PRSS33: variants seen among roughly 807,000 people sequenced by gnomAD.
The protein encoded by PRSS33 is protease, serine 33.
A neutral mutation model predicts 26.7 loss-of-function variants in PRSS33; 32 were observed. That is an observed-to-expected ratio of 1.20 (90% CI 0.90 to 1.61). The LOEUF (loss-of-function observed/expected upper bound fraction) is 1.61, where lower values mean the gene tolerates loss of function less well. Among genes scored for constraint, PRSS33 ranks in the 40% most tolerant of loss-of-function variants. The pLI is 0.00. For missense variants in PRSS33, 450 were observed against 396.3 expected, an observed-to-expected ratio of 1.14 and a Z score of -1.15; for synonymous variants, 192 against 177.6, an observed-to-expected ratio of 1.08 and a Z score of -0.64.
In PRSS33 at chr16:2,785,395, C is replaced by T. The variant is rs2068860940; in HGVS notation, c.494G>A (p.Trp165Ter). The T allele has an allele frequency of 2.1e-6, 3 of 1,432,564 alleles. No individual in the cohort carries two copies. In the South Asian group the frequency reaches 4.5e-5, roughly 21 times the overall value. The allele number at this position is 1,432,564 out of a possible 1,614,324, so 88.7% of individuals were successfully genotyped here. A position where few individuals can be genotyped will look rare whatever the true frequency, so the allele number is the denominator to read the frequency against. The change falls in exon 5 of 7, where the codon TGG (tryptophan) becomes TAG (stop). Residue 165 changes from tryptophan (W) to a stop codon, truncating the protein, a stop_gained. Coordinates refer to ENST00000682474, the MANE Select transcript of PRSS33 (RefSeq NM_152891.3). LOFTEE classifies it high-confidence loss of function. ...CTTACCTCCTGGGCGGAGGCTGCCC[C>T]AGCCGGTGACCCGGCATGGTGTGCC... is the stretch of plus-strand genomic sequence containing the variant. ...PPGTPCRVTG[W>*]GSLRPGVPLP...
At position 2,784,745 on chromosome 16, in the gene PRSS33, C is replaced by G. The variant is rs544071573; in HGVS notation, c.742G>C (p.Val248Leu). The G allele has an allele frequency of 6.8e-6, 11 of 1,608,334 alleles. No individual in the cohort carries two copies. The highest frequency in any genetic ancestry group is 8.5e-6 in the Non-Finnish European group (10 of 1,177,692). ...GCACAACCCTTGCCCCAGCTCACCACGCCCACCAGGACCCAGCTCCCAGAC... is the reference window on the plus strand; with the variant it reads ...GCACAACCCTTGCCCCAGCTCACCAGGCCCACCAGGACCCAGCTCCCAGAC... ...LQSGSWVLVGVVSWGKGCALP... is the reference protein window; with the variant it reads ...LQSGSWVLVGLVSWGKGCALP... The change falls in exon 7 of 7, where the codon GTG (valine) becomes CTG (leucine). Residue 248 changes from valine (V) to leucine (L), a missense_variant. Val to Leu is a conservative substitution (Grantham distance 32). Coordinates refer to ENST00000682474, the MANE Select transcript of PRSS33 (RefSeq NM_152891.3).
chr16:2,785,879 G>C lies in PRSS33; in HGVS notation c.162C>G (p.Ile54Met). 6.2e-7 allele frequency: 1 copy of C among 1,610,346 alleles called. No homozygotes were observed. Among genetic ancestry groups the C allele is most frequent in the Non-Finnish European group, 8.5e-7 (1 of 1,179,190 alleles). The change falls in exon 4 of 7, where the codon ATC becomes ATG. Residue 54 changes from isoleucine (I) to methionine (M), a missense_variant. Transcript: ENST00000682474. Reference sequence around the variant, plus strand: ...CGCACACGTGTGCCCCACGATGCTGGATGCTCGCCTGCCACGGCCACTCTC... The same window carrying C: ...CGCACACGTGTGCCCCACGATGCTGCATGCTCGCCTGCCACGGCCACTCTC... ...RDGEWPWQAS[I>M]QHRGAHVCGG...
chr16:2,785,740 G>C lies in PRSS33; in HGVS notation c.242+59C>G, dbSNP rs556291033. 20 of 1,507,064 alleles carry C rather than the reference G, an allele frequency of 1.3e-5. No individual in the cohort carries two copies. The East Asian group carries it at 4.5e-4, about 34-fold the overall frequency. The allele number at this position is 1,507,064 out of a possible 1,614,324, so 93.4% of individuals were successfully genotyped here. A position where few individuals can be genotyped will look rare whatever the true frequency, so the allele number is the denominator to read the frequency against. ...CAACGCCTCTGCCAGGCCACGCCCG[G>C]TCCTCTGCGGGCCTTGCCTTCCTTG... On this transcript the variant is annotated intron_variant, in intron 4 of 6. Transcript: ENST00000682474.
chr16:2,785,069 G>T lies in PRSS33; in HGVS notation c.617C>A (p.Ala206Asp). The T allele has an allele frequency of 6.3e-7, 1 of 1,575,536 alleles. No individual in the cohort carries two copies. The highest frequency in any genetic ancestry group is 1.2e-5 in the South Asian group (1 of 86,426). ...ACTCCCAGGCAGCACAATGCGCTCA[G>T]CCTGGGGCACGTCCGCGCCCACGTG... is the stretch of plus-strand genomic sequence containing the variant. ...LYHVGADVPQ[A>D]ERIVLPGSLC... The change falls in exon 6 of 7, where the codon GCT (alanine) becomes GAT (aspartate). Residue 206 changes from alanine (A) to aspartate (D), a missense_variant. Ala to Asp is a moderately radical substitution (Grantham distance 126). Coordinates refer to ENST00000682474, the MANE Select transcript of PRSS33 (RefSeq NM_152891.3).
Position 2,786,017 on chromosome 16 carries a change from A to G in PRSS33, c.80-56T>C, listed in dbSNP as rs1298639564. 5 of 1,612,546 alleles carry G rather than the reference A, an allele frequency of 3.1e-6. No individual in the cohort carries two copies. The Admixed American group carries it at 6.7e-5, about 21-fold the overall frequency. The stretch of plus-strand genomic sequence containing the variant: ...GCTGAGGACCTGGGGCCTGGGAGGC[A>G]GGTGTTGGTGGGGAGACACGGGGCC... On this transcript the variant is annotated intron_variant, in intron 3 of 6. Coordinates refer to ENST00000682474, the MANE Select transcript of PRSS33 (RefSeq NM_152891.3).
At position 2,784,352 on chromosome 16, in the gene PRSS33, C is replaced by A; in HGVS notation, c.*292G>T. On this transcript the variant is annotated 3_prime_UTR_variant, in exon 7 of 7. Coordinates refer to ENST00000682474, the MANE Select transcript of PRSS33 (RefSeq NM_152891.3). ...TTGCCCATCACTGCGTGCCTTGCGC[C>A]CAGCCCTGGCCAGGGCCAAGAAAAG... 1 of 303,190 alleles carries A rather than the reference C, an allele frequency of 3.3e-6. No individual in the cohort carries two copies. The highest frequency in any genetic ancestry group is 6.8e-5 in the South Asian group (1 of 14,804). The allele number at this position is 303,190 out of a possible 1,614,324, so 18.8% of individuals were successfully genotyped here. A position where few individuals can be genotyped will look rare whatever the true frequency, so the allele number is the denominator to read the frequency against.
At position 2,784,632 on chromosome 16, in the gene PRSS33, C is replaced by T. The variant is rs1567260887; in HGVS notation, c.*12G>A. On this transcript the variant is annotated 3_prime_UTR_variant, in exon 7 of 7. Transcript: ENST00000682474. ...CCAGCAGCTGGCTCCAGGTCAGCCT[C>T]ACCGGCTAGCATTAGAAGCTGACGC... The T allele has an allele frequency of 1.9e-6, 3 of 1,573,486 alleles. No homozygotes were observed. The highest frequency in any genetic ancestry group is 2.6e-6 in the Non-Finnish European group (3 of 1,158,072).
rs762174524 is a variant in PRSS33, at chr16:2,786,577, TG to T, written c.-31del. On this transcript the variant is annotated 5_prime_UTR_variant, in exon 2 of 7. Coordinates refer to ENST00000682474, the MANE Select transcript of PRSS33 (RefSeq NM_152891.3). The stretch of plus-strand genomic sequence containing the variant: ...TCTTCAAGGCTGGGCTGGGTAAGGG[TG>T]GCACTGCCTAGGGCTTGGACTCTGG... 1 of 1,612,036 alleles carries T rather than the reference TG, an allele frequency of 6.2e-7. No homozygotes were observed. The highest frequency in any genetic ancestry group is 8.5e-7 in the Non-Finnish European group (1 of 1,179,204).
In PRSS33 at chr16:2,785,136, T is replaced by A. The variant is rs2068857719; in HGVS notation, c.550A>T (p.Arg184Trp). Residue 184 changes from arginine to tryptophan, a missense_variant, in exon 6 of 7, where the codon AGG (arginine) becomes TGG (tryptophan). By Grantham distance (101) the Arg-to-Trp change is moderately radical. Coordinates refer to ENST00000682474, the MANE Select transcript of PRSS33 (RefSeq NM_152891.3). ...LPEWRPLQGV[R>W]VPLLDSRTCD... ...GTGCGCGAGTCCAGCAGCGGCACCC[T>A]TACTCCTTGTAGCGGTCGCCACTCT... is the stretch of plus-strand genomic sequence containing the variant. 6.5e-7 allele frequency: 1 copy of A among 1,543,582 alleles called. No individual in the cohort carries two copies. Among genetic ancestry groups the A allele is most frequent in the African/African-American group, 1.4e-5 (1 of 73,150 alleles).
Position 2,784,770 on chromosome 16 carries a change from C to A in PRSS33, c.717G>T (p.Gln239His). The change falls in exon 7 of 7, where the codon CAG (glutamine) becomes CAT (histidine). Residue 239 changes from glutamine to histidine, a missense_variant. By Grantham distance (24) the Gln-to-His change is conservative (BLOSUM62 0). Transcript: ENST00000682474. Reference protein sequence around the residue: ...GDSGGPLTCLQSGSWVLVGVV... With the variant: ...GDSGGPLTCLHSGSWVLVGVV... ...CGCCCACCAGGACCCAGCTCCCAGA[C>A]TGCAGGCAGGTCAGAGGTCCCCCAG... 1.2e-6 allele frequency: 2 copies of A among 1,609,420 alleles called. No homozygotes were observed. Among genetic ancestry groups the A allele is most frequent in the Non-Finnish European group, 1.7e-6 (2 of 1,178,146 alleles).
chr16:2,784,487 G>A lies in PRSS33; in HGVS notation c.*157C>T. On this transcript the variant is annotated 3_prime_UTR_variant, in exon 7 of 7. Transcript: ENST00000682474. Reference sequence around the variant, plus strand: ...CTGGTGATCCCCAAAGAGGAGAGGAGGCAGGAGGTGGTGGGTGGGGGGTGG... The same window carrying A: ...CTGGTGATCCCCAAAGAGGAGAGGAAGCAGGAGGTGGTGGGTGGGGGGTGG... The A allele has an allele frequency of 1.7e-6, 1 of 574,976 alleles. No homozygotes were observed. Among genetic ancestry groups the A allele is most frequent in the Non-Finnish European group, 2.9e-6 (1 of 339,754 alleles). The allele number at this position is 574,976 out of a possible 1,614,324, so 35.6% of individuals were successfully genotyped here.
rs2068845886 is a variant in PRSS33, at chr16:2,784,024, A to C, written c.*620T>G. 6.6e-6 allele frequency: 1 copy of C among 152,288 alleles called. No individual in the cohort carries two copies. The allele number at this position is 152,288 out of a possible 1,614,324, so 9.4% of individuals were successfully genotyped here. A position where few individuals can be genotyped will look rare whatever the true frequency, so the allele number is the denominator to read the frequency against. ...AGTGGCTCAGCTAGGTTCTCTGCTTAGGGTCTCTTTAGGTTGAAATGAAGG... is the reference window on the plus strand; with the variant it reads ...AGTGGCTCAGCTAGGTTCTCTGCTTCGGGTCTCTTTAGGTTGAAATGAAGG... On this transcript the variant is annotated 3_prime_UTR_variant, in exon 7 of 7. Coordinates refer to ENST00000682474, the MANE Select transcript of PRSS33 (RefSeq NM_152891.3).
chr16:2,784,959 C>T, intron 6 of PRSS33, 43 bp downstream of exon 6: 1 of 1,582,354 alleles, frequency 6.3e-7, no homozygotes, highest in Middle Eastern at 1.9e-4. Context: ...GGGTGCTGGG[C>T]ACAGGGAGGG....
chr16:2,787,640 C>T (rs926819936), upstream of PRSS33, among the ~76,000 whole-genome samples: 5 of 151,078 alleles, frequency 3.3e-5, no homozygotes, highest in African/African-American at 1.2e-4. Context: ...AGGGCCGGGG[C>T]GGGGCTGTGG....
chr16:2,784,863 A>G (rs1309449667), intron 6 of PRSS33, 61 bp from the exon 7 acceptor site: 2 of 1,544,162 alleles, frequency 1.3e-6, no homozygotes, highest in Non-Finnish European at 1.8e-6. Flanking sequence ...TCAGGGTTCC[A>G]GACCCCTGGC....
At chr16:2,787,225 C>T (rs1239316407) in intron 1 of PRSS33, among the ~76,000 whole-genome samples, 1 of 4,542 alleles carries the variant, frequency 2.2e-4, no homozygotes, top group Non-Finnish European at 4.5e-4. Flanking sequence ...TCCCCTCCCT[C>T]ATCCTCACCC....
Position 2,785,840 on chromosome 16 carries a change from GA to G in PRSS33, c.200del (p.Ile67ThrfsTer7). 1 of 1,606,682 alleles carries G rather than the reference GA, an allele frequency of 6.2e-7. No homozygotes were observed. The highest frequency in any genetic ancestry group is 1.1e-5 in the South Asian group (1 of 90,686). ...CCGCTGTCAGCACCCACTGGGGGGCGATGAGCGACCCCCCGCACACGTGTGC... is the reference window on the plus strand; with the variant it reads ...CCGCTGTCAGCACCCACTGGGGGGCGTGAGCGACCCCCCGCACACGTGTGC... ...RGAHVCGGSLIAPQWVLTAAH... is the reference protein window; with the variant it reads ...RGAHVCGGSLXAPQWVLTAAH... On this transcript the variant is annotated frameshift_variant, in exon 4 of 7. Coordinates refer to ENST00000682474, the MANE Select transcript of PRSS33 (RefSeq NM_152891.3). LOFTEE classifies it high-confidence loss of function.
chr16:2,784,972 C>G (rs760754621), intron 6 of PRSS33, 30 bp downstream of exon 6: 1 of 1,591,392 alleles, frequency 6.3e-7, no homozygotes, highest in Admixed American at 1.7e-5. Flanking sequence ...AGGGAGGGGA[C>G]TCCGGAGGCT....
rs1184210422 is a variant in PRSS33 at position 2,785,427 on chromosome 16, C to T, written c.462G>A (p.Pro154=). 1.4e-6 allele frequency: 2 copies of T among 1,457,232 alleles called. No homozygotes were observed. Among genetic ancestry groups the T allele is most frequent in the East Asian group, 2.7e-5 (1 of 37,188 alleles). 90.3% of individuals were successfully genotyped at this position (1,457,232 alleles called of 1,614,324 possible). The stretch of plus-strand genomic sequence containing the variant: ...TGACCCGGCATGGTGTGCCGGGCGG[C>T]GGGCGGGCGCCGGGCACGGGCAGGC... The part of the protein sequence containing the change: ...PVCLPVPGAR[P]PPGTPCRVTG... The change falls in exon 5 of 7, where the codon CCG becomes CCA. Residue 154 remains proline, a synonymous_variant. Coordinates refer to ENST00000682474, the MANE Select transcript of PRSS33 (RefSeq NM_152891.3).
Sources: gnomAD v4.1 joint callset for allele counts (sites outside exome capture counted in the v4.1 genomes callset) on GRCh38, gnomAD v4.1.1 for gene constraint, MANE v1.5 for transcripts, NCBI Gene and HGNC (gene_info 2026-07-23, HGNC 2026-07-21) for gene names.